The following TRMT11 variants were observed in gnomAD, a reference collection of about 807,000 sequenced individuals.
TRMT11 encodes tRNA (guanine(10)-N(2))-methyltransferase TRMT11.
TRMT11 carries 53 observed loss-of-function variants against 62.8 expected under a neutral mutation model. That is an observed-to-expected ratio of 0.84 (90% CI 0.68 to 1.06). The LOEUF (loss-of-function observed/expected upper bound fraction) is 1.06, where lower values mean the gene tolerates loss of function less well. TRMT11 is among the 50% of genes least tolerant of loss of function. TRMT11 has a pLI of 0.00. For missense variants in TRMT11, 556 were observed against 553.4 expected (o/e 1.00, Z -0.05); for synonymous variants, 188 against 190.3 (o/e 0.99, Z 0.10).
At chr6:126,107,140 C>T (rs1024263320) in intron 17 of TRMT11, among the ~76,000 whole-genome samples, 6 of 152,024 alleles carry the variant, frequency 3.9e-5, no homozygotes, top group African/African-American at 1.4e-4. Context: ...CTAATTACTT[C>T]TAAGTGTAGT....
intron 17 of TRMT11, among the ~76,000 whole-genome samples, chr6:126,096,133 C>T (rs959914100): frequency 6.6e-6 from 1 of 152,160 alleles, no homozygotes; most frequent in African/African-American, 2.4e-5. Flanking sequence ...TAGGAGAATT[C>T]TGTTTTTCTT....
intron 12 of TRMT11, among the ~76,000 whole-genome samples, chr6:126,033,638 G>A (rs1474851617): frequency 3.9e-5 from 6 of 152,104 alleles, no homozygotes; most frequent in Non-Finnish European, 4.4e-5. Context: ...AACATTCCCT[G>A]AGGAAAAGGC....
At chr6:126,248,502 A>G in the TRMT11 span, among the ~76,000 whole-genome samples, 1 of 152,126 alleles carries the variant, frequency 6.6e-6, no homozygotes, top group Non-Finnish European at 1.5e-5. Context: ...AAAGATAACA[A>G]GAAAAAAAAA....
chr6:126,065,151 C>T (rs1776649907), intron 17 of TRMT11, among the ~76,000 whole-genome samples: 1 of 152,070 alleles, frequency 6.6e-6, no homozygotes, highest in African/African-American at 2.4e-5. Flanking sequence ...AACCAGAGAA[C>T]TGAATATGAA....
chr6:126,026,900 T>C (rs1350899789), intron 12 of TRMT11, among the ~76,000 whole-genome samples: 10 of 149,810 alleles, frequency 6.7e-5, no homozygotes, highest in African/African-American at 2.2e-4. Context: ...CCTCCCGGGT[T>C]CACGCCATTC....
the TRMT11 span, among the ~76,000 whole-genome samples, chr6:126,259,272 C>T: frequency 6.6e-6 from 1 of 152,232 alleles, no homozygotes; most frequent in Non-Finnish European, 1.5e-5. Flanking sequence ...TCTTGACTCA[C>T]TGCAACCTCT....
chr6:126,039,068 T>A lies in TRMT11; in HGVS notation c.*232T>A. ...TTTAATGTATATTTGTACTTTCAAGTACTGATGGAGATAGACTCAAAACAG... is the reference window on the plus strand; with the variant it reads ...TTTAATGTATATTTGTACTTTCAAGAACTGATGGAGATAGACTCAAAACAG... On this transcript the variant is annotated 3_prime_UTR_variant, in exon 13 of 13. Transcript: ENST00000334379. The A allele has an allele frequency of 3.1e-6, 1 of 325,464 alleles. No individual in the cohort carries two copies. The highest frequency in any genetic ancestry group is 5.5e-6 in the Non-Finnish European group (1 of 181,370). 20.2% of individuals were successfully genotyped at this position (325,464 alleles called of 1,614,324 possible). A position where few individuals can be genotyped will look rare whatever the true frequency, so the allele number is the denominator to read the frequency against.
intron 21 of TRMT11, among the ~76,000 whole-genome samples, chr6:126,145,304 C>A (rs1360437406): frequency 6.6e-6 from 1 of 152,114 alleles, no homozygotes; most frequent in Non-Finnish European, 1.5e-5. Flanking sequence ...CACCATCCCT[C>A]ACTCCCTAGG....
chr6:126,090,801 G>C (rs751499736), intron 17 of TRMT11, among the ~76,000 whole-genome samples: 2 of 152,158 alleles, frequency 1.3e-5, no homozygotes, highest in Non-Finnish European at 2.9e-5. Context: ...TGCGGTATGG[G>C]TGTTAGTTAA....
At chr6:126,227,003 G>A in the TRMT11 span, among the ~76,000 whole-genome samples, 4 of 152,154 alleles carry the variant, frequency 2.6e-5, no homozygotes, top group African/African-American at 9.7e-5. Flanking sequence ...GTTCCTCCTT[G>A]TTCTTCCTTG....
chr6:126,089,592 C>G (rs1777251600), intron 17 of TRMT11, among the ~76,000 whole-genome samples: 1 of 152,172 alleles, frequency 6.6e-6, no homozygotes, highest in African/African-American at 2.4e-5. Context: ...AGTTCTTGTC[C>G]TCTGCACTGT....
chr6:126,240,690 C>T, the TRMT11 span, among the ~76,000 whole-genome samples: 1 of 152,230 alleles, frequency 6.6e-6, no homozygotes, highest in East Asian at 1.9e-4. Context: ...TGTCCATTCT[C>T]AGGTCTCTAG....
chr6:126,079,470 T>G (rs1777110069), intron 17 of TRMT11, among the ~76,000 whole-genome samples: 1 of 152,182 alleles, frequency 6.6e-6, no homozygotes, highest in African/African-American at 2.4e-5. Flanking sequence ...GCACACTCAT[T>G]CCCGACTACA....
At chr6:126,101,563 A>C (rs772379248) in intron 17 of TRMT11, among the ~76,000 whole-genome samples, 22 of 152,174 alleles carry the variant, frequency 1.4e-4, no homozygotes, top group Non-Finnish European at 2.5e-4. Context: ...TTTCCTCCAC[A>C]TGCTCTTATA....
intron 17 of TRMT11, among the ~76,000 whole-genome samples, chr6:126,058,468 C>T (rs966584800): frequency 1.3e-5 from 2 of 152,126 alleles, no homozygotes; most frequent in Admixed American, 6.5e-5. Context: ...TAGTTATATA[C>T]CCAGTAATGG....
intron 17 of TRMT11, among the ~76,000 whole-genome samples, chr6:126,104,782 A>G (rs1425341271): frequency 1.3e-5 from 2 of 152,046 alleles, no homozygotes; most frequent in African/African-American, 4.8e-5. Flanking sequence ...TTCTTCTCCC[A>G]TTGTTTAAAG....
intron 17 of TRMT11, among the ~76,000 whole-genome samples, chr6:126,110,230 C>G (rs1056643122): frequency 6.6e-6 from 1 of 152,058 alleles, no homozygotes; most frequent in African/African-American, 2.4e-5. Flanking sequence ...AAATTTCTTG[C>G]TTTCAAGGTT....
chr6:126,220,359 C>T, the TRMT11 span, among the ~76,000 whole-genome samples: 2 of 152,142 alleles, frequency 1.3e-5, no homozygotes, highest in Non-Finnish European at 2.9e-5. Context: ...AACAGAGGAG[C>T]CAGAGCTTGA....
the TRMT11 span, among the ~76,000 whole-genome samples, chr6:126,214,622 CT>C: frequency 3.3e-5 from 5 of 151,920 alleles, no homozygotes; most frequent in Admixed American, 2.6e-4. Context: ...AGTCTTCTCT[CT>C]TTTTTTCTTA....
Sources: gnomAD v4.1 joint callset for allele counts (sites outside exome capture counted in the v4.1 genomes callset) on GRCh38, gnomAD v4.1.1 for gene constraint, MANE v1.5 for transcripts, NCBI Gene and HGNC (gene_info 2026-07-23, HGNC 2026-07-21) for gene names.